The following ABCA12 variants were observed in gnomAD, a reference collection of about 807,000 sequenced individuals.
ABCA12 encodes the protein glucosylceramide transporter ABCA12.
ABCA12 carries 156 observed loss-of-function variants against 293.5 expected under a neutral mutation model. The ratio of observed to expected loss-of-function variants is 0.53; its 90% CI spans 0.47 to 0.61. The LOEUF (loss-of-function observed/expected upper bound fraction) is 0.61, where lower values mean the gene tolerates loss of function less well. Among genes scored for constraint, ABCA12 ranks in the 20% least tolerant of loss-of-function variants. The pLI, the probability that ABCA12 is intolerant of heterozygous loss-of-function variation, is 0.00. For missense variants in ABCA12, 2,797 were observed against 3,090.2 expected (o/e 0.91, Z 2.25); for synonymous variants, 1,063 against 1,108.0 (o/e 0.96, Z 0.81).
chr2:215,122,626 T>C (rs191954188), intron 1 of ABCA12, among the ~76,000 whole-genome samples: 174 of 152,298 alleles, frequency 1.1e-3, no homozygotes, highest in African/African-American at 4.0e-3. Flanking sequence ...GAAAAGCTAG[T>C]TCTATCATCA....
chr2:214,946,023 T>C (rs1698572435), intron 48 of ABCA12, among the ~76,000 whole-genome samples: 1 of 152,106 alleles, frequency 6.6e-6, no homozygotes, highest in Admixed American at 6.6e-5. Context: ...AGGGTGACTA[T>C]AGTTAACAAT....
At chr2:215,060,690 T>C (rs1167374285) in intron 3 of ABCA12, among the ~76,000 whole-genome samples, 2 of 152,064 alleles carry the variant, frequency 1.3e-5, no homozygotes, top group Non-Finnish European at 2.9e-5. Flanking sequence ...CTCATCTATA[T>C]AACCAAATGA....
intron 2 of ABCA12, among the ~76,000 whole-genome samples, chr2:215,104,260 AT>A (rs1332980746): frequency 6.6e-6 from 1 of 152,102 alleles, no homozygotes; most frequent in African/African-American, 2.4e-5. Context: ...CTTACTCTTA[AT>A]TTTTCTACTT....
chr2:214,948,857 A>G, intron 46 of ABCA12, 120 bp from the exon 47 acceptor site: 1 of 1,305,544 alleles, frequency 7.7e-7, no homozygotes, highest in Admixed American at 1.9e-5. Context: ...ATAAAAAGGG[A>G]TAAAATAATC....
At chr2:214,943,108 C>T (rs1698459518) in intron 49 of ABCA12, 91 bp from the exon 50 acceptor site, 15 of 952,440 alleles carry the variant, frequency 1.6e-5, no homozygotes, top group Non-Finnish European at 2.5e-5. Flanking sequence ...TTCATTATGG[C>T]ACTTGGAAAT....
rs1698865661 is a variant in ABCA12 at position 214,954,075 on chromosome 2, G to T, written c.6426C>A (p.Arg2142=). 1.2e-6 allele frequency: 2 copies of T among 1,613,924 alleles called. No individual in the cohort carries two copies. The highest frequency in any genetic ancestry group is 1.7e-6 in the Non-Finnish European group (2 of 1,179,964). The change falls in exon 44 of 53, where the codon CGC becomes CGA. Residue 2142 remains arginine, a synonymous_variant. Transcript: ENST00000272895. ...AGAATTGTGGGAAAATCAGGAAAATGCGCTTGAGGGTTTCAGAAATAAGTT... is the reference window on the plus strand; with the variant it reads ...AGAATTGTGGGAAAATCAGGAAAATTCGCTTGAGGGTTTCAGAAATAAGTT... ...TLELISETLK[R]IFLIFPQFCF... is the part of the protein sequence containing the mutation.
intron 9 of ABCA12, among the ~76,000 whole-genome samples, chr2:215,027,727 A>T (rs931549483): frequency 6.6e-6 from 1 of 152,200 alleles, no homozygotes; most frequent in East Asian, 1.9e-4. Context: ...TCTCTTGTCA[A>T]TTGAAAGCTA....
intron 1 of ABCA12, among the ~76,000 whole-genome samples, chr2:215,116,357 A>G (rs1490581836): frequency 6.6e-6 from 1 of 152,170 alleles, no homozygotes; most frequent in Non-Finnish European, 1.5e-5. Flanking sequence ...CGACATAGCT[A>G]AAGATGATAT....
chr2:215,059,349 C>G (rs1464686), intron 3 of ABCA12, among the ~76,000 whole-genome samples: 92,317 of 151,754 alleles, frequency 0.61, 28,451 homozygotes, highest in East Asian at 0.72. Context: ...ATCCCAAACA[C>G]AAGTCACCCA....
At chr2:215,025,399 A>T in intron 11 of ABCA12, 1 of 391,348 alleles carries the variant, frequency 2.6e-6, no homozygotes, top group Non-Finnish European at 4.7e-6. Context: ...GTCTTAAGTG[A>T]TTCTTCCCAC....
Position 214,991,049 on chromosome 2 carries a change from G to A in ABCA12, c.3295-18C>T. ...TTCATGTACTGTAAGAAGAAAAAAT[G>A]TGAGGCGCTTGTTATGCTGATATTC... On this transcript the variant is annotated intron_variant, in intron 23 of 52. Transcript: ENST00000272895. The A allele has an allele frequency of 6.2e-7, 1 of 1,607,332 alleles. No homozygotes were observed. The highest frequency in any genetic ancestry group is 8.5e-7 in the Non-Finnish European group (1 of 1,174,196).
At chr2:215,120,498 A>C (rs1292099616) in intron 1 of ABCA12, among the ~76,000 whole-genome samples, 4 of 152,182 alleles carry the variant, frequency 2.6e-5, no homozygotes, top group Non-Finnish European at 5.9e-5. Flanking sequence ...ACGAAGGATG[A>C]AAAAGGGTCA....
At position 214,970,388 on chromosome 2, in the gene ABCA12, A is replaced by G; in HGVS notation, c.5575T>C (p.Phe1859Leu). Residue 1859 changes from phenylalanine to leucine, a missense_variant, in exon 37 of 53, where the codon TTT becomes CTT. Phe to Leu is a conservative substitution (Grantham distance 22, BLOSUM62 0). Coordinates refer to ENST00000272895, the MANE Select transcript of ABCA12 (RefSeq NM_173076.3). ...CTTCTGTGCGGTGGGGAATAGTTAA[A>G]TTTAGGACATTCCTGGAAAATAAAG... Reference protein sequence around the residue: ...CSENVQECPKFNYSPPHRRTY... With the variant: ...CSENVQECPKLNYSPPHRRTY... The G allele has an allele frequency of 4.3e-6, 7 of 1,613,268 alleles. No homozygotes were observed. Among genetic ancestry groups the G allele is most frequent in the Non-Finnish European group, 5.9e-6 (7 of 1,179,422 alleles).
At chr2:215,039,686 T>G (rs2106040643) in intron 7 of ABCA12, among the ~76,000 whole-genome samples, 1 of 151,928 alleles carries the variant, frequency 6.6e-6, no homozygotes, top group South Asian at 2.1e-4. Flanking sequence ...ACCCAGAAGG[T>G]GGAGCTTGCA....
At chr2:214,978,539 G>C in intron 32 of ABCA12, 73 bp from the exon 33 acceptor site, 1 of 1,543,368 alleles carries the variant, frequency 6.5e-7, no homozygotes, top group Non-Finnish European at 8.8e-7. Flanking sequence ...GCTTACCTTT[G>C]ATTTTGAACT....
At chr2:214,999,918 GAATTGT>G in intron 22 of ABCA12, 1 of 669,074 alleles carries the variant, frequency 1.5e-6, no homozygotes, top group South Asian at 6.8e-5. Context: ...AATACCATCT[GAATTGT>G]ATATAAACTG....
chr2:214,947,329 T>C (rs899585140), intron 48 of ABCA12, 93 bp downstream of exon 48: 37 of 1,565,772 alleles, frequency 2.4e-5, no homozygotes, highest in Non-Finnish European at 3.2e-5. Context: ...TCAATAAATG[T>C]TGACTGCAAT....
At chr2:215,082,481 T>C (rs1377452609) in intron 2 of ABCA12, 1 of 152,206 alleles carries the variant, frequency 6.6e-6, no homozygotes, top group East Asian at 1.9e-4. Context: ...ATCACATTGT[T>C]TATATTTTGC....
chr2:215,011,559 A>G lies in ABCA12; in HGVS notation c.2212T>C (p.Tyr738His). Reference sequence around the variant, plus strand: ...GAAGAGGGCAGCATGGCAGTTAAATATTCAGTGGTAATTCCTTGAGAACAT... The same window carrying G: ...GAAGAGGGCAGCATGGCAGTTAAATGTTCAGTGGTAATTCCTTGAGAACAT... The part of the protein sequence containing the change: ...ALCSQGITTE[Y>H]LTAMLPSSQR... Residue 738 changes from tyrosine to histidine, a missense_variant, in exon 17 of 53, where the codon TAT becomes CAT. Transcript: ENST00000272895. 6.2e-7 allele frequency: 1 copy of G among 1,614,092 alleles called. No homozygotes were observed.
Sources: gnomAD v4.1 joint callset for allele counts (sites outside exome capture counted in the v4.1 genomes callset) on GRCh38, gnomAD v4.1.1 for gene constraint, MANE v1.5 for transcripts, NCBI Gene and HGNC (gene_info 2026-07-23, HGNC 2026-07-21) for gene names.